Variants in CBLB observed in about 807,000 individuals in gnomAD.
CBLB encodes E3 ubiquitin-protein ligase CBL-B.
CBLB carries 31 observed loss-of-function variants against 104.9 expected under a neutral mutation model. The ratio of observed to expected loss-of-function variants is 0.30; its 90% CI spans 0.22 to 0.40. CBLB has a LOEUF of 0.40. CBLB is among the 10% of genes least tolerant of loss of function. The probability of loss-of-function intolerance (pLI) is 1.00; values close to 1 mark genes in which losing one functional copy is unlikely to be tolerated. For synonymous variants in CBLB, 440 were observed against 422.6 expected, an observed-to-expected ratio of 1.04 and a Z score of -0.51; for missense variants, 1,062 against 1,214.6, an observed-to-expected ratio of 0.87 and a Z score of 1.87.
At position 105,678,478 on chromosome 3, in the gene CBLB, G is replaced by A; in HGVS notation, c.2522C>T (p.Ser841Phe). The change falls in exon 17 of 19, where the codon TCC (serine) becomes TTC (phenylalanine). Residue 841 changes from serine (S) to phenylalanine (F), a missense_variant. Transcript: ENST00000394030. ...CTGTCCTGAGGATGGCCGGCTACTG[G>A]AGCCAGGAGGTTTTGAATGTTCAAT... ...SLIEHSKPPGSSSRPSSGQDL... is the reference protein window; with the variant it reads ...SLIEHSKPPGFSSRPSSGQDL... 1.2e-6 allele frequency: 2 copies of A among 1,614,058 alleles called. No individual in the cohort carries two copies. Among genetic ancestry groups the A allele is most frequent in the African/African-American group, 2.7e-5 (2 of 75,036 alleles).
In CBLB at chr3:105,758,357, CA is replaced by C. The variant is rs2077267000; in HGVS notation, c.567-6740del. ...GAAAATTCCTGACACGATAAAGACA[CA>C]GATGCTGGGTATTTATGCTGCATAA... On this transcript the variant is annotated intron_variant, in intron 4 of 18. Transcript: ENST00000394030. Among the ~76,000 whole-genome samples, 4 of 152,320 alleles carry C rather than the reference CA, an allele frequency of 2.6e-5. No individual in the cohort carries two copies. In the South Asian group the frequency reaches 6.2e-4, roughly 24 times the overall value.
intron 4 of CBLB, among the ~76,000 whole-genome samples, chr3:105,763,429 GA>G (rs1310685027): frequency 6.6e-6 from 1 of 152,118 alleles, no homozygotes; most frequent in African/African-American, 2.4e-5. Context: ...ACATGTTGTA[GA>G]AAGGACCTAA....
At chr3:105,737,532 A>G (rs1160488193) in intron 7 of CBLB, among the ~76,000 whole-genome samples, 1 of 152,128 alleles carries the variant, frequency 6.6e-6, no homozygotes, top group Non-Finnish European at 1.5e-5. Flanking sequence ...TGTCTCTTAT[A>G]TAAGTTAAGA....
chr3:105,735,568 A>G lies in CBLB; in HGVS notation c.1072-1428T>C, dbSNP rs767528793. 3.5e-4 allele frequency among the ~76,000 whole-genome samples: 54 copies of G among 152,212 alleles called. 1 individual carries two copies. Among genetic ancestry groups the G allele is most frequent in the Admixed American group, 8.5e-4 (13 of 15,286 alleles). Reference sequence around the variant, plus strand: ...TTTTTTAATGGCTTTATAAAGAGGAACTGTCTTTCCTAAGTATCCTTTCAC... The same window carrying G: ...TTTTTTAATGGCTTTATAAAGAGGAGCTGTCTTTCCTAAGTATCCTTTCAC... On this transcript the variant is annotated intron_variant, in intron 8 of 18. Transcript: ENST00000394030.
At chr3:105,693,464 C>A (rs758596145) in intron 13 of CBLB, 30 bp downstream of exon 13, 2 of 1,430,028 alleles carry the variant, frequency 1.4e-6, no homozygotes, top group Non-Finnish European at 2.0e-6. Flanking sequence ...GATGCATAGA[C>A]AAGTGATCTC....
At chr3:105,754,531 G>GAGAGAGAGAGAC (rs2076897186) in intron 4 of CBLB, among the ~76,000 whole-genome samples, 3 of 127,624 alleles carry the variant, frequency 2.4e-5, no homozygotes, top group African/African-American at 3.2e-5. Flanking sequence ...GACAGAGAGA[G>GAGAGAGAGAGAC]AGAGAGAGAG....
At chr3:105,838,630 C>T (rs2089000415) in intron 3 of CBLB, among the ~76,000 whole-genome samples, 1 of 149,972 alleles carries the variant, frequency 6.7e-6, no homozygotes, top group East Asian at 2.0e-4. Context: ...CCATCTTTTC[C>T]AACAAAACTT....
chr3:105,732,871 G>A (rs1194765504), intron 9 of CBLB, among the ~76,000 whole-genome samples: 1 of 152,078 alleles, frequency 6.6e-6, no homozygotes, highest in African/African-American at 2.4e-5. Flanking sequence ...ATGCTTCACC[G>A]AAAATCTTTT....
rs73854889 is a variant in CBLB, at chr3:105,805,004, A to C, written c.420-28462T>G. 6.4e-3 allele frequency among the ~76,000 whole-genome samples: 982 copies of C among 152,290 alleles called. 12 individuals carry two copies. Among genetic ancestry groups the C allele is most frequent in the African/African-American group, 0.023 (941 of 41,544 alleles). On this transcript the variant is annotated intron_variant, in intron 3 of 18. Coordinates refer to ENST00000394030, the MANE Select transcript of CBLB (RefSeq NM_170662.5). The stretch of plus-strand genomic sequence containing the variant: ...TAACTTCCATACCCACCACCACAGT[A>C]GTTGCTGTTTGAGAGGTCAGGCCCT...
chr3:105,775,808 T>C (rs2079391149), intron 4 of CBLB, among the ~76,000 whole-genome samples: 1 of 152,232 alleles, frequency 6.6e-6, no homozygotes, highest in Non-Finnish European at 1.5e-5. Context: ...TGCAACAGAC[T>C]ACATCTTTGT....
chr3:105,661,131 C>CT (rs2063755573), intron 18 of CBLB, among the ~76,000 whole-genome samples: 1 of 151,992 alleles, frequency 6.6e-6, no homozygotes, highest in South Asian at 2.1e-4. Flanking sequence ...TAAATTATTC[C>CT]TTTTTTGTAA....
chr3:105,784,111 CT>C, intron 3 of CBLB, among the ~76,000 whole-genome samples: 1 of 152,184 alleles, frequency 6.6e-6, no homozygotes, highest in Admixed American at 6.5e-5. Context: ...GGTTTAAAAG[CT>C]TAACAATATA....
intron 3 of CBLB, among the ~76,000 whole-genome samples, chr3:105,805,892 TAAGAATGA>T (rs569498644): frequency 7.0e-4 from 83 of 118,696 alleles, no homozygotes; most frequent in African/African-American, 2.5e-3. Flanking sequence ...TCTTAAGAAA[TAAGAATGA>T]AAGAATGAAA....
chr3:105,664,298 T>C (rs1407625898), intron 18 of CBLB, among the ~76,000 whole-genome samples: 2 of 152,148 alleles, frequency 1.3e-5, no homozygotes, highest in Admixed American at 1.3e-4. Flanking sequence ...ACTTTCAAAA[T>C]GTTAAAAATA....
In CBLB at chr3:105,868,800, C is replaced by G; in HGVS notation, c.-79G>C. ...GGGTCCCACTCCACACGCACGCAGCCCAGTGTGTGTGGGGAGCCCCGGCTG... is the reference window on the plus strand; with the variant it reads ...GGGTCCCACTCCACACGCACGCAGCGCAGTGTGTGTGGGGAGCCCCGGCTG... On this transcript the variant is annotated 5_prime_UTR_variant, in exon 1 of 19. Coordinates refer to ENST00000394030, the MANE Select transcript of CBLB (RefSeq NM_170662.5). The G allele has an allele frequency of 1.0e-6, 1 of 992,590 alleles. No homozygotes were observed. Among genetic ancestry groups the G allele is most frequent in the South Asian group, 4.5e-5 (1 of 22,190 alleles). The allele number at this position is 992,590 out of a possible 1,614,324, so 61.5% of individuals were successfully genotyped here.
rs186944538 is a variant in CBLB at position 105,840,500 on chromosome 3, A to C, written c.419+12914T>G. ...AACCATAAAATGTGCTAATTGTTCA[A>C]ATGAGTCCTCCCGAAACAAAGTTGA... is the stretch of plus-strand genomic sequence containing the variant. On this transcript the variant is annotated intron_variant, in intron 3 of 18. Transcript: ENST00000394030. 2.7e-3 allele frequency among the ~76,000 whole-genome samples: 411 copies of C among 152,322 alleles called. 4 individuals are homozygous for C. The highest frequency in any genetic ancestry group is 8.5e-4 in the Non-Finnish European group (58 of 68,024).
At chr3:105,667,081 A>C (rs558351843) in intron 18 of CBLB, among the ~76,000 whole-genome samples, 1 of 152,342 alleles carries the variant, frequency 6.6e-6, no homozygotes, top group South Asian at 2.1e-4. Context: ...TAAGCTAGTA[A>C]ACTAATGGTA....
chr3:105,658,919 C>T lies in CBLB; in HGVS notation c.*51G>A, dbSNP rs1445281023. 2 of 1,587,138 alleles carry T rather than the reference C, an allele frequency of 1.3e-6. No homozygotes were observed. Among genetic ancestry groups the T allele is most frequent in the Non-Finnish European group, 1.7e-6 (2 of 1,156,466 alleles). On this transcript the variant is annotated 3_prime_UTR_variant, in exon 19 of 19. Transcript: ENST00000394030. Reference sequence around the variant, plus strand: ...CATCTCAGTTCTCTTTATTTCCACACTCTTGGAATACATCGATTGCTTTCC... The same window carrying T: ...CATCTCAGTTCTCTTTATTTCCACATTCTTGGAATACATCGATTGCTTTCC...
Position 105,726,484 on chromosome 3 carries a change from A to T in CBLB, c.1204-6234T>A, listed in dbSNP as rs1176487635. 2.0e-5 allele frequency among the ~76,000 whole-genome samples: 3 copies of T among 152,132 alleles called. No homozygotes were observed. The East Asian group carries it at 5.8e-4, about 29-fold the overall frequency. On this transcript the variant is annotated intron_variant, in intron 9 of 18. Transcript: ENST00000394030. Reference sequence around the variant, plus strand: ...CAAAGATATACATTTTTATTTTGGAAGGAAGATATGAAGAACACAGTTTGG... The same window carrying T: ...CAAAGATATACATTTTTATTTTGGATGGAAGATATGAAGAACACAGTTTGG...
Sources: gnomAD v4.1 joint callset for allele counts (sites outside exome capture counted in the v4.1 genomes callset) on GRCh38, gnomAD v4.1.1 for gene constraint, MANE v1.5 for transcripts, NCBI Gene and HGNC (gene_info 2026-07-23, HGNC 2026-07-21) for gene names.